The following GHR variants were observed in gnomAD, a reference collection of about 807,000 sequenced individuals.
GHR encodes the protein growth hormone receptor.
Under a neutral mutation model 67.1 loss-of-function variants are expected in GHR, and 35 were observed. That is an observed-to-expected ratio of 0.52 (90% CI 0.40 to 0.69). The LOEUF is 0.69. Among genes scored for constraint, GHR ranks in the 30% least tolerant of loss-of-function variants. The pLI is 0.00. For missense variants in GHR, 792 were observed against 764.6 expected, an observed-to-expected ratio of 1.04 and a Z score of -0.42; for synonymous variants, 272 against 269.1, an observed-to-expected ratio of 1.01 and a Z score of -0.10.
intron 1 of GHR, among the ~76,000 whole-genome samples, chr5:42,433,948 A>G (rs1208333229): frequency 6.6e-6 from 1 of 151,982 alleles, no homozygotes; most frequent in African/African-American, 2.4e-5. Context: ...TCCCTTGGGT[A>G]GGGCTATTGG....
In GHR at chr5:42,565,926, G is replaced by A. The variant is rs1749903679; in HGVS notation, c.52G>A (p.Ala18Thr). ...CTTGGCACTGGCAGGATCAAGTGAT[G>A]CTTTTTCTGGAAGTGAGGGTGAGTT... ...LTLALAGSSD[A>T]FSGSEATAAI... Residue 18 changes from alanine to threonine, a missense_variant, in exon 2 of 10, where the codon GCT becomes ACT. Transcript: ENST00000230882. The A allele has an allele frequency of 1.9e-6, 3 of 1,613,936 alleles. No homozygotes were observed. Among genetic ancestry groups the A allele is most frequent in the Non-Finnish European group, 2.5e-6 (3 of 1,179,944 alleles).
chr5:42,665,397 C>A (rs1318418800), intron 3 of GHR, among the ~76,000 whole-genome samples: 2 of 152,120 alleles, frequency 1.3e-5, no homozygotes, highest in Non-Finnish European at 2.9e-5. Flanking sequence ...CACATATACA[C>A]CACGGAATAC....
At chr5:42,707,802 C>T (rs1007521641) in intron 6 of GHR, among the ~76,000 whole-genome samples, 9 of 151,952 alleles carry the variant, frequency 5.9e-5, no homozygotes, top group African/African-American at 1.4e-4. Flanking sequence ...CACACACACA[C>T]GTTTTAAATT....
chr5:42,687,188 T>C (rs532365696), intron 3 of GHR, among the ~76,000 whole-genome samples: 13 of 152,228 alleles, frequency 8.5e-5, no homozygotes, highest in African/African-American at 3.1e-4. Flanking sequence ...CACAAACAAA[T>C]GGAAAAACAT....
intron 1 of GHR, among the ~76,000 whole-genome samples, chr5:42,492,011 C>T (rs950328452): frequency 6.6e-6 from 1 of 152,206 alleles, no homozygotes; most frequent in African/African-American, 2.4e-5. Flanking sequence ...AGAGATAAAT[C>T]TCAAGGCCTC....
At chr5:42,717,431 A>T (rs1758773843) in intron 8 of GHR, among the ~76,000 whole-genome samples, 1 of 152,248 alleles carries the variant, frequency 6.6e-6, no homozygotes, top group Admixed American at 6.5e-5. Flanking sequence ...ATGTAAGTGC[A>T]TCCTAGAATT....
At position 42,540,293 on chromosome 5, in the gene GHR, G is replaced by C. The variant is rs929008976; in HGVS notation, c.-11-25571G>C. On this transcript the variant is annotated intron_variant, in intron 1 of 9. Transcript: ENST00000230882. ...TATTTTGGTAAATTTGCTTTTTATA[G>C]TTATTGATTTTCAGAAATATTTCTT... Among the ~76,000 whole-genome samples, 4 of 147,090 alleles carry C rather than the reference G, an allele frequency of 2.7e-5. No homozygotes were observed. In the Admixed American group the frequency reaches 2.7e-4, roughly 10 times the overall value.
At chr5:42,611,900 C>G (rs1225328912) in intron 2 of GHR, among the ~76,000 whole-genome samples, 1 of 152,114 alleles carries the variant, frequency 6.6e-6, no homozygotes, top group Non-Finnish European at 1.5e-5. Context: ...CTATCTGCAT[C>G]TTTTATATCA....
chr5:42,456,266 G>T (rs550817641), intron 1 of GHR, among the ~76,000 whole-genome samples: 11 of 152,308 alleles, frequency 7.2e-5, no homozygotes, highest in Admixed American at 7.2e-4. Context: ...AGCCGAGATC[G>T]TGCCACTGCA....
chr5:42,657,808 A>G (rs540804420), intron 3 of GHR, among the ~76,000 whole-genome samples: 1 of 152,248 alleles, frequency 6.6e-6, no homozygotes, highest in East Asian at 1.9e-4. Context: ...TTGCTTTTAT[A>G]GTGGAGTCTT....
intron 1 of GHR, among the ~76,000 whole-genome samples, chr5:42,538,830 C>T (rs571859562): frequency 2.0e-5 from 3 of 152,060 alleles, no homozygotes; most frequent in Non-Finnish European, 4.4e-5. Context: ...TAGGTTTGGT[C>T]GTTTAACATA....
intron 1 of GHR, among the ~76,000 whole-genome samples, chr5:42,496,233 A>G (rs139418695): frequency 6.6e-6 from 1 of 152,320 alleles, no homozygotes; most frequent in African/African-American, 2.4e-5. Flanking sequence ...CATTCAAAGC[A>G]GAGAGAATTG....
At chr5:42,527,415 A>G (rs1747750784) in intron 1 of GHR, among the ~76,000 whole-genome samples, 1 of 152,194 alleles carries the variant, frequency 6.6e-6, no homozygotes, top group African/African-American at 2.4e-5. Context: ...TTGCAATCCT[A>G]ATTTCAGACA....
At chr5:42,631,790 A>C (rs1435885076) in intron 3 of GHR, among the ~76,000 whole-genome samples, 1 of 152,200 alleles carries the variant, frequency 6.6e-6, no homozygotes, top group African/African-American at 2.4e-5. Context: ...GGAAGAAAAA[A>C]TGAAATAAAA....
chr5:42,487,309 C>G (rs1745926897), intron 1 of GHR, among the ~76,000 whole-genome samples: 1 of 152,182 alleles, frequency 6.6e-6, no homozygotes, highest in Non-Finnish European at 1.5e-5. Flanking sequence ...CTCATTCCTA[C>G]TTGTATTCTT....
At chr5:42,579,994 TC>T (rs1222565921) in intron 2 of GHR, among the ~76,000 whole-genome samples, 2 of 152,098 alleles carry the variant, frequency 1.3e-5, no homozygotes, top group East Asian at 1.9e-4. Flanking sequence ...TGTGAAAATT[TC>T]CCCCAATATT....
At chr5:42,697,430 T>G (rs1447959181) in intron 5 of GHR, among the ~76,000 whole-genome samples, 3 of 152,048 alleles carry the variant, frequency 2.0e-5, no homozygotes, top group East Asian at 3.9e-4. Context: ...AATAGGAGTG[T>G]TGGAGAGGTT....
At chr5:42,637,150 G>C (rs192928670) in intron 3 of GHR, among the ~76,000 whole-genome samples, 219 of 152,164 alleles carry the variant, frequency 1.4e-3, no homozygotes, top group African/African-American at 4.8e-3. Context: ...ACCCATGCCT[G>C]TTTGTTTCAG....
chr5:42,605,541 TG>T (rs1752590606), intron 2 of GHR, among the ~76,000 whole-genome samples: 1 of 152,120 alleles, frequency 6.6e-6, no homozygotes, highest in African/African-American at 2.4e-5. Context: ...CTAGAAATAT[TG>T]GGGCTCTAGA....
Sources: allele counts gnomAD v4.1 joint callset (sites outside exome capture counted in the v4.1 genomes callset), GRCh38; gene constraint gnomAD v4.1.1; transcripts MANE v1.5; gene names NCBI Gene and HGNC (gene_info 2026-07-23, HGNC 2026-07-21).